Variants in CDH8 observed in about 807,000 individuals in gnomAD.
The protein encoded by CDH8 is cadherin-8.
In CDH8, 17 loss-of-function variants were observed where a neutral mutation model predicts 68.1. The observed-to-expected ratio is 0.25, with a 90% CI of 0.17 to 0.37. The LOEUF is 0.37. Ranked by LOEUF, CDH8 falls within the 10% of genes least tolerant of loss-of-function variation. The probability of loss-of-function intolerance (pLI) is 1.00; values close to 1 mark genes in which losing one functional copy is unlikely to be tolerated. For missense variants in CDH8, 763 were observed against 999.3 expected (o/e 0.76, Z 3.19); for synonymous variants, 372 against 365.1 (o/e 1.02, Z -0.21).
chr16:61,706,307 C>T (rs1441229041), intron 10 of CDH8, among the ~76,000 whole-genome samples: 5 of 152,082 alleles, frequency 3.3e-5, no homozygotes, highest in Admixed American at 3.3e-4. Context: ...AAAGGGGAAG[C>T]GAGAGGGGAT....
chr16:61,955,920 AT>A (rs1025770660), intron 2 of CDH8, among the ~76,000 whole-genome samples: 1 of 152,210 alleles, frequency 6.6e-6, no homozygotes, highest in African/African-American at 2.4e-5. Context: ...TGAGAGTACA[AT>A]AGCATGTAAA....
chr16:61,972,571 G>GGTGTGTGTGT (rs1555525996), intron 2 of CDH8, among the ~76,000 whole-genome samples: 6 of 131,550 alleles, frequency 4.6e-5, no homozygotes, highest in South Asian at 2.4e-4. Context: ...ACACATTGTG[G>GGTGTGTGTGT]GTGTGTGTGT....
chr16:61,848,359 A>G (rs999403086), intron 4 of CDH8, among the ~76,000 whole-genome samples: 7 of 152,226 alleles, frequency 4.6e-5, no homozygotes, highest in African/African-American at 9.6e-5. Flanking sequence ...GTTTCTCCAA[A>G]TAGACATTTC....
intron 9 of CDH8, among the ~76,000 whole-genome samples, chr16:61,714,483 A>G (rs980971053): frequency 6.6e-6 from 1 of 151,554 alleles, no homozygotes; most frequent in Non-Finnish European, 1.5e-5. Context: ...CCCAATAATT[A>G]ATACTGTTTT....
At chr16:62,008,973 GA>G (rs1901739053) in intron 2 of CDH8, among the ~76,000 whole-genome samples, 4 of 149,552 alleles carry the variant, frequency 2.7e-5, no homozygotes, top group Non-Finnish European at 5.9e-5. Flanking sequence ...ACATGAGTAT[GA>G]CAAAAGGCAA....
intron 7 of CDH8, among the ~76,000 whole-genome samples, chr16:61,816,142 T>A (rs1422275175): frequency 6.6e-6 from 1 of 152,164 alleles, no homozygotes; most frequent in South Asian, 2.1e-4. Context: ...GAGGTTAGAC[T>A]CTTCTGCAGG....
intron 10 of CDH8, among the ~76,000 whole-genome samples, chr16:61,681,332 C>T (rs540849481): frequency 6.6e-6 from 1 of 151,870 alleles, no homozygotes; most frequent in African/African-American, 2.4e-5. Flanking sequence ...CAATGCAATA[C>T]TATTTGGCAA....
At chr16:61,853,146 T>A (rs747395324) in intron 4 of CDH8, among the ~76,000 whole-genome samples, 1 of 151,978 alleles carries the variant, frequency 6.6e-6, no homozygotes, top group African/African-American at 2.4e-5. Flanking sequence ...AAAGAACAAA[T>A]GGTATATCTC....
chr16:61,703,664 C>A (rs1229959546), intron 10 of CDH8, among the ~76,000 whole-genome samples: 1 of 152,008 alleles, frequency 6.6e-6, no homozygotes, highest in Admixed American at 6.6e-5. Context: ...CACAGTGAAA[C>A]GCCGTCTCTA....
intron 4 of CDH8, among the ~76,000 whole-genome samples, chr16:61,837,182 G>A (rs1428520790): frequency 1.3e-5 from 2 of 151,990 alleles, no homozygotes; most frequent in Non-Finnish European, 2.9e-5. Context: ...CAATGCTGCT[G>A]CAGGATTCCT....
chr16:61,813,975 C>T (rs186333566), intron 7 of CDH8, among the ~76,000 whole-genome samples: 1 of 152,308 alleles, frequency 6.6e-6, no homozygotes, highest in African/African-American at 2.4e-5. Flanking sequence ...ATTCTGCACA[C>T]AGCCACCTAG....
At chr16:61,776,124 G>T (rs1960893688) in intron 8 of CDH8, among the ~76,000 whole-genome samples, 1 of 152,060 alleles carries the variant, frequency 6.6e-6, no homozygotes, top group Non-Finnish European at 1.5e-5. Flanking sequence ...ATAGAAAAGG[G>T]AAGGCAGGGG....
At chr16:61,676,122 A>G (rs1446900001) in intron 10 of CDH8, among the ~76,000 whole-genome samples, 1 of 149,532 alleles carries the variant, frequency 6.7e-6, no homozygotes, top group Non-Finnish European at 1.5e-5. Flanking sequence ...AAAACTTAGT[A>G]AGATACAAAC....
At chr16:61,910,102 AT>A (rs1355745929) in intron 2 of CDH8, among the ~76,000 whole-genome samples, 8 of 152,184 alleles carry the variant, frequency 5.3e-5, no homozygotes, top group African/African-American at 1.7e-4. Context: ...TGAGCAAATT[AT>A]TTTTATATAA....
intron 8 of CDH8, among the ~76,000 whole-genome samples, chr16:61,779,988 T>G (rs113477649): frequency 0.011 from 1,707 of 152,284 alleles, 39 homozygotes; most frequent in African/African-American, 0.038. Flanking sequence ...AAAGATCTGA[T>G]CCTGTACCTC....
At chr16:61,848,315 T>C (rs796930128) in intron 4 of CDH8, among the ~76,000 whole-genome samples, 19 of 152,216 alleles carry the variant, frequency 1.2e-4, no homozygotes, top group African/African-American at 4.6e-4. Flanking sequence ...TAGTTCATAG[T>C]CTTTCTATCC....
chr16:61,729,924 T>C (rs1959486969), intron 8 of CDH8, among the ~76,000 whole-genome samples: 1 of 151,408 alleles, frequency 6.6e-6, no homozygotes, highest in African/African-American at 2.4e-5. Flanking sequence ...AATGGTTGAT[T>C]AGGCCAAGTC....
At chr16:61,744,834 A>G (rs1434017553) in intron 8 of CDH8, among the ~76,000 whole-genome samples, 3 of 151,344 alleles carry the variant, frequency 2.0e-5, no homozygotes, top group Non-Finnish European at 4.4e-5. Context: ...ATTGTTTATG[A>G]TAATTTATAT....
At chr16:61,768,427 T>C (rs1313743598) in intron 8 of CDH8, among the ~76,000 whole-genome samples, 6 of 131,572 alleles carry the variant, frequency 4.6e-5, no homozygotes, top group South Asian at 2.5e-4. Flanking sequence ...TCTCTCTCTC[T>C]CCCTCTCCCT....
Sources: allele counts gnomAD v4.1 joint callset (sites outside exome capture counted in the v4.1 genomes callset), GRCh38; gene constraint gnomAD v4.1.1; transcripts MANE v1.5; gene names NCBI Gene and HGNC (gene_info 2026-07-23, HGNC 2026-07-21).